The following EIF4ENIF1 variants were observed in gnomAD, a reference collection of about 807,000 sequenced individuals.
The protein encoded by EIF4ENIF1 is eukaryotic translation initiation factor 4E transporter.
In EIF4ENIF1, 23 loss-of-function variants were observed where a neutral mutation model predicts 110.5. The ratio of observed to expected loss-of-function variants is 0.21; its 90% CI spans 0.15 to 0.29. The LOEUF is 0.29. Among genes scored for constraint, EIF4ENIF1 ranks in the 10% least tolerant of loss-of-function variants. The pLI is 1.00. For missense variants in EIF4ENIF1, 1,031 were observed against 1,221.1 expected (o/e 0.84, Z 2.32); for synonymous variants, 440 against 437.0 (o/e 1.01, Z -0.09).
At chr22:31,485,361 A>G (rs1286716240) in intron 2 of EIF4ENIF1, among the ~76,000 whole-genome samples, 5 of 152,226 alleles carry the variant, frequency 3.3e-5, no homozygotes, top group Admixed American at 6.5e-5. Context: ...GCAAAGAAAC[A>G]TAAGTCCTAC....
At chr22:31,482,859 TAAAATGTAA>T (rs899348317) in intron 2 of EIF4ENIF1, among the ~76,000 whole-genome samples, 1 of 137,162 alleles carries the variant, frequency 7.3e-6, no homozygotes, top group African/African-American at 2.7e-5. Context: ...CCATCTCTAC[TAAAATGTAA>T]AAAAAATTAG....
In EIF4ENIF1 at chr22:31,462,974, C is replaced by T. The variant is rs2051046405; in HGVS notation, c.745G>A (p.Gly249Arg). The T allele has an allele frequency of 3.1e-6, 5 of 1,614,036 alleles. No individual in the cohort carries two copies. The highest frequency in any genetic ancestry group is 1.3e-5 in the African/African-American group (1 of 74,924). Residue 249 changes from glycine (G) to arginine (R), a missense_variant, in exon 6 of 19, where the codon GGG becomes AGG. By Grantham distance (125) the Gly-to-Arg change is moderately radical (BLOSUM62 -2). This residue lies in a region of EIF4ENIF1 where 704 missense variants were observed against 879.7 expected (regional missense o/e 0.80). Transcript: ENST00000330125. ...DDKILEEDHK[G>R]RKRTRRRTAS... ...GTCCGTCGCCTTGTTCTTTTTCTCC[C>T]TTTGTGATCTTCTTCTAGTATCTTA...
intron 4 of EIF4ENIF1, among the ~76,000 whole-genome samples, chr22:31,466,417 G>A (rs2051189181): frequency 8.3e-4 from 1 of 1,200 alleles, no homozygotes; most frequent in African/African-American, 4.4e-3. Flanking sequence ...TGTCTCGGTG[G>A]GGGGAAAAAA....
At chr22:31,492,694 T>C (rs188625827), upstream of EIF4ENIF1, among the ~76,000 whole-genome samples, 59 of 152,342 alleles carry the variant, frequency 3.9e-4, no homozygotes, top group East Asian at 0.01. Context: ...TTCATTGTAG[T>C]TTTTGAGTGT....
chr22:31,474,486 T>A (rs2051500296), intron 2 of EIF4ENIF1, among the ~76,000 whole-genome samples: 1 of 148,844 alleles, frequency 6.7e-6, no homozygotes. Context: ...CAACATGCCA[T>A]CTTTTTTTTT....
At chr22:31,457,191 TAG>T (rs1370672781) in intron 7 of EIF4ENIF1, among the ~76,000 whole-genome samples, 6 of 152,232 alleles carry the variant, frequency 3.9e-5, no homozygotes, top group Admixed American at 2.6e-4. Flanking sequence ...TTGAGATTAA[TAG>T]AGAGTTTTCA....
At chr22:31,443,393 T>C (rs1367580990) in intron 15 of EIF4ENIF1, 1 of 264,224 alleles carries the variant, frequency 3.8e-6, no homozygotes, top group East Asian at 8.0e-5. Flanking sequence ...TGGCCAGAAA[T>C]ATAACTTGGA....
upstream of EIF4ENIF1, among the ~76,000 whole-genome samples, chr22:31,490,263 C>G (rs1283598911): frequency 1.3e-5 from 2 of 152,250 alleles, no homozygotes; most frequent in Non-Finnish European, 2.9e-5. Flanking sequence ...GCGACGACCG[C>G]TGTATTTGCA....
chr22:31,457,524 A>G (rs560903845), intron 7 of EIF4ENIF1, among the ~76,000 whole-genome samples: 64 of 152,330 alleles, frequency 4.2e-4, no homozygotes, highest in African/African-American at 1.5e-3. Context: ...AACAGAAAAC[A>G]TGCTTTTTCA....
intron 6 of EIF4ENIF1, among the ~76,000 whole-genome samples, chr22:31,462,594 C>CT (rs1033101696): frequency 6.6e-6 from 1 of 152,072 alleles, no homozygotes; most frequent in Non-Finnish European, 1.5e-5. Context: ...AATCACATCT[C>CT]TATTTTATTT....
chr22:31,447,491 T>C lies in EIF4ENIF1; in HGVS notation c.1923A>G (p.Ala641=), dbSNP rs1392814196. ...ALPHDLAVQA[A]NFYQPGFGKP... is the part of the protein sequence containing the mutation. ...TGCCAAAACCAGGCTGGTAGAAGTT[T>C]GCTGCCTGTACAGCAAGGTCATGTG... is the stretch of plus-strand genomic sequence containing the variant. Residue 641 remains alanine (A), a synonymous_variant, in exon 14 of 19, where the codon GCA becomes GCG. Transcript: ENST00000330125. 6.2e-7 allele frequency: 1 copy of C among 1,613,148 alleles called. No individual in the cohort carries two copies. Among genetic ancestry groups the C allele is most frequent in the Non-Finnish European group, 8.5e-7 (1 of 1,179,776 alleles).
chr22:31,454,088 G>T, intron 10 of EIF4ENIF1, 56 bp downstream of exon 10: 1 of 1,492,386 alleles, frequency 6.7e-7, no homozygotes, highest in Non-Finnish European at 9.2e-7. Context: ...TATTGTGGTG[G>T]GAAAAAGAAG....
At chr22:31,483,160 G>A (rs893266264) in intron 2 of EIF4ENIF1, among the ~76,000 whole-genome samples, 3 of 150,312 alleles carry the variant, frequency 2.0e-5, no homozygotes, top group South Asian at 4.3e-4. Context: ...GGTGAACAAG[G>A]GCTTCTGGTG....
At chr22:31,488,485 A>C in intron 2 of EIF4ENIF1, 138 bp downstream of exon 2, 2 of 1,299,988 alleles carry the variant, frequency 1.5e-6, no homozygotes, top group Middle Eastern at 2.3e-4. Context: ...AAAGTAATGC[A>C]CTACTAAATT....
intron 2 of EIF4ENIF1, among the ~76,000 whole-genome samples, chr22:31,483,786 T>A (rs2146099847): frequency 6.6e-6 from 1 of 152,270 alleles, no homozygotes; most frequent in South Asian, 2.1e-4. Flanking sequence ...CATGATCCGA[T>A]CACTTTAAAA....
At chr22:31,449,655 G>A in intron 11 of EIF4ENIF1, 124 bp from the exon 12 acceptor site, 1 of 793,830 alleles carries the variant, frequency 1.3e-6, no homozygotes, top group South Asian at 1.8e-5. Flanking sequence ...GAAGGACTTG[G>A]CATGTGTACA....
chr22:31,456,421 T>C (rs7288901), intron 7 of EIF4ENIF1, among the ~76,000 whole-genome samples: 92,939 of 151,360 alleles, frequency 0.61, 28,917 homozygotes, highest in South Asian at 0.76. Flanking sequence ...GACGGGGTTT[T>C]ACCGTGTTAG....
At chr22:31,450,493 T>C in intron 10 of EIF4ENIF1, 133 bp from the exon 11 acceptor site, 2 of 643,352 alleles carry the variant, frequency 3.1e-6, no homozygotes, top group Non-Finnish European at 5.5e-6. Context: ...CACAGAAAAC[T>C]TAGACCAACG....
At chr22:31,476,200 C>A (rs770438961) in intron 2 of EIF4ENIF1, among the ~76,000 whole-genome samples, 36 of 152,056 alleles carry the variant, frequency 2.4e-4, no homozygotes, top group Non-Finnish European at 5.0e-4. Context: ...TACTAAGAAC[C>A]CTAATGTGCT....
Sources: gnomAD v4.1 joint callset for allele counts (sites outside exome capture counted in the v4.1 genomes callset) on GRCh38, gnomAD v4.1.1 for gene constraint, gnomAD v4.1.1 regional missense constraint, MANE v1.5 for transcripts, NCBI Gene and HGNC (gene_info 2026-07-23, HGNC 2026-07-21) for gene names.